The following NAPA variants were observed in gnomAD, a reference collection of about 807,000 sequenced individuals.
The protein encoded by NAPA is alpha-soluble NSF attachment protein.
NAPA carries 18 observed loss-of-function variants against 48.0 expected under a neutral mutation model. The observed-to-expected ratio is 0.38, with a 90% CI of 0.26 to 0.56. NAPA has a LOEUF of 0.56. NAPA is among the 20% of genes least tolerant of loss of function. NAPA has a pLI of 0.77. For missense variants in NAPA, 315 were observed against 385.0 expected (o/e 0.82, Z 1.52); for synonymous variants, 152 against 149.9 (o/e 1.01, Z -0.10).
intron 1 of NAPA, among the ~76,000 whole-genome samples, chr19:47,512,508 C>A (rs1968824565): frequency 6.6e-6 from 1 of 152,144 alleles, no homozygotes; most frequent in Non-Finnish European, 1.5e-5. Context: ...CTTAGCTGCT[C>A]CCTCCAAGCA....
chr19:47,503,597 T>TA (rs1599912625), intron 1 of NAPA, 95 bp from the exon 2 acceptor site: 2 of 1,166,762 alleles, frequency 1.7e-6, no homozygotes, highest in East Asian at 4.8e-5. Context: ...GACGTGCCCC[T>TA]ACCCCTCACC....
rs1253362736 is a variant in NAPA, at chr19:47,494,603, T to C, written c.342+947A>G. Among the ~76,000 whole-genome samples the C allele has an allele frequency of 4.6e-5, 7 of 151,908 alleles. No individual in the cohort carries two copies. In the East Asian group the frequency reaches 1.4e-3, roughly 29 times the overall value. ...AAATACAAAAATTAGCCAGGCATGG[T>C]AGCACACGCCTGTAATCCCAGCTAC... On this transcript the variant is annotated intron_variant, in intron 4 of 10. Transcript: ENST00000263354.
intron 1 of NAPA, among the ~76,000 whole-genome samples, chr19:47,513,846 C>CTTTTTTT (rs776314156): frequency 7.8e-5 from 9 of 115,852 alleles, no homozygotes; most frequent in East Asian, 2.4e-4. Flanking sequence ...TTCTTTCTTT[C>CTTTTTTT]TTTTTTTTTT....
In NAPA at chr19:47,493,212, G is replaced by A. The variant is rs769548675; in HGVS notation, c.421-38C>T. The A allele has an allele frequency of 3.2e-6, 5 of 1,561,498 alleles. No homozygotes were observed. On this transcript the variant is annotated intron_variant, in intron 5 of 10. Coordinates refer to ENST00000263354, the MANE Select transcript of NAPA (RefSeq NM_003827.4). The surrounding 1 kb of genome is among the most constrained non-coding windows in gnomAD (Gnocchi z 6.4). ...GGGGGATGGGTTCCAGGGGAGGGCA[G>A]GGAAGGGAGAGGAGGCCTCCGTGAA...
intron 4 of NAPA, chr19:47,495,152 C>G (rs1282432120): frequency 3.5e-5 from 8 of 230,440 alleles, no homozygotes; most frequent in Non-Finnish European, 6.9e-5. Context: ...CAGGTGCATG[C>G]CACTACACCA....
Position 47,500,921 on chromosome 19 carries a change from CCTGGCTCCTGCGCTCAGGTCTG to C in NAPA, c.179-194_179-173del, listed in dbSNP as rs1378329876. Among the ~76,000 whole-genome samples, 4 of 152,264 alleles carry C rather than the reference CCTGGCTCCTGCGCTCAGGTCTG, an allele frequency of 2.6e-5. No homozygotes were observed. The South Asian group carries it at 6.2e-4, about 24-fold the overall frequency. ...AGACCGAGGCCTAGAACTCAGGTCT[CCTGGCTCCTGCGCTCAGGTCTG>C]CTGGCTCCTGCGCTGAGGCTCCTGG... is the stretch of plus-strand genomic sequence containing the variant. On this transcript the variant is annotated intron_variant, in intron 2 of 10. Coordinates refer to ENST00000263354, the MANE Select transcript of NAPA (RefSeq NM_003827.4).
intron 3 of NAPA, 82 bp downstream of exon 3, chr19:47,500,551 G>A (rs1014560377): frequency 2.8e-5 from 33 of 1,193,606 alleles, no homozygotes; most frequent in South Asian, 6.7e-5. Flanking sequence ...AACCAGAGCC[G>A]CCAGGAAACC....
intron 2 of NAPA, chr19:47,501,345 T>C (rs902628573): frequency 6.6e-6 from 1 of 152,158 alleles, no homozygotes; most frequent in Non-Finnish European, 1.5e-5. Flanking sequence ...CATAACATCT[T>C]CCCATCTACT....
At chr19:47,509,603 C>A (rs1419853834) in intron 1 of NAPA, among the ~76,000 whole-genome samples, 3 of 152,196 alleles carry the variant, frequency 2.0e-5, no homozygotes, top group Non-Finnish European at 4.4e-5. Flanking sequence ...AGGACCGATT[C>A]CAGGCACGCT....
chr19:47,514,855 G>A lies in NAPA; in HGVS notation c.86C>T (p.Ser29Phe), dbSNP rs201846233. ...GCCCGGTTCTCACCCAAAGAGGCCA[G>A]AGAAGAAGGACTGCGAGTTCTTCAC... is the stretch of plus-strand genomic sequence containing the variant. ...RKVKNSQSFFSGLFGGSSKIE... is the reference protein window; with the variant it reads ...RKVKNSQSFFFGLFGGSSKIE... Residue 29 changes from serine to phenylalanine, a missense_variant, in exon 1 of 11, where the codon TCT (serine) becomes TTT (phenylalanine). This residue lies in a region of NAPA where 173 missense variants were observed against 213.5 expected (regional missense o/e 0.81). Transcript: ENST00000263354. 541 of 1,614,000 alleles carry A rather than the reference G, an allele frequency of 3.4e-4. 2 individuals carry two copies. Among genetic ancestry groups the A allele is most frequent in the Admixed American group, 3.3e-5 (2 of 60,014 alleles).
At chr19:47,484,926 C>T (rs955442217), downstream of NAPA, among the ~76,000 whole-genome samples, 3 of 152,098 alleles carry the variant, frequency 2.0e-5, no homozygotes, top group Admixed American at 2.0e-4. Context: ...TCTGGACCTC[C>T]TGACCTCAGG....
intron 3 of NAPA, chr19:47,497,269 A>C (rs1968453121): frequency 6.1e-6 from 1 of 164,326 alleles, no homozygotes; most frequent in South Asian, 1.4e-4. Flanking sequence ...TGAGGCGGCA[A>C]AGGCTGCTGC....
At chr19:47,503,652 G>GC (rs1156661966) in intron 1 of NAPA, 150 bp from the exon 2 acceptor site, 3 of 729,384 alleles carry the variant, frequency 4.1e-6, no homozygotes, top group Admixed American at 2.2e-5. Flanking sequence ...TGAGTCTGTG[G>GC]CCCCCGCCCC....
intron 9 of NAPA, among the ~76,000 whole-genome samples, chr19:47,490,233 C>G (rs1181693036): frequency 3.0e-5 from 3 of 99,120 alleles, no homozygotes; most frequent in African/African-American, 4.2e-5. Flanking sequence ...GGTGTGTGTG[C>G]AGTGTGTTTT....
chr19:47,500,258 G>C (rs149906586), intron 3 of NAPA, among the ~76,000 whole-genome samples: 2 of 152,028 alleles, frequency 1.3e-5, no homozygotes. Flanking sequence ...AATCCTCCCC[G>C]CCCCCCACAC....
chr19:47,513,644 C>T (rs943958893), intron 1 of NAPA, among the ~76,000 whole-genome samples: 1 of 151,820 alleles, frequency 6.6e-6, no homozygotes, highest in Non-Finnish European at 1.5e-5. Context: ...TTTTCCCATC[C>T]CTCTTCTCAG....
intron 7 of NAPA, 186 bp downstream of exon 7, chr19:47,492,775 C>T (rs751198137): frequency 4.8e-5 from 34 of 703,000 alleles, no homozygotes; most frequent in Non-Finnish European, 7.7e-5. Context: ...GGCATGGAGT[C>T]GTAGGTGGAG....
At chr19:47,500,872 G>A in intron 2 of NAPA, 123 bp from the exon 3 acceptor site, 1 of 677,584 alleles carries the variant, frequency 1.5e-6, no homozygotes, top group Non-Finnish European at 2.4e-6. Context: ...CCCAAGACAG[G>A]ACGAGGGTGA....
At chr19:47,488,427 C>A in intron 10 of NAPA, 38 bp from the exon 11 acceptor site, 1 of 1,549,468 alleles carries the variant, frequency 6.5e-7, no homozygotes. Flanking sequence ...CCATGCTCCC[C>A]CCGTTCCCAA....
Sources: allele counts gnomAD v4.1 joint callset (sites outside exome capture counted in the v4.1 genomes callset), GRCh38; gene constraint gnomAD v4.1.1; regional missense constraint gnomAD v4.1.1; non-coding constraint Gnocchi (gnomAD v3.1); transcripts MANE v1.5; gene names NCBI Gene and HGNC (gene_info 2026-07-23, HGNC 2026-07-21).